Variants in TMEM123 observed in about 807,000 individuals in gnomAD.
The protein encoded by TMEM123 is porimin.
In TMEM123, 16 loss-of-function variants were observed where a neutral mutation model predicts 19.7. The ratio of observed to expected loss-of-function variants is 0.81; its 90% confidence interval spans 0.55 to 1.23. The LOEUF (loss-of-function observed/expected upper bound fraction) is 1.23, where lower values mean the gene tolerates loss of function less well. TMEM123 is among the 50% of genes most tolerant of loss of function. The pLI is 0.00. For synonymous variants in TMEM123, 118 were observed against 99.4 expected (o/e 1.19, Z -1.12); for missense variants, 313 against 257.8 (o/e 1.21, Z -1.47).
chr11:102,443,035 C>G (rs776818014), intron 2 of TMEM123, among the ~76,000 whole-genome samples: 2 of 151,988 alleles, frequency 1.3e-5, no homozygotes, highest in Non-Finnish European at 2.9e-5. Context: ...CACTGCTCAA[C>G]GAAATAAAAG....
intron 2 of TMEM123, among the ~76,000 whole-genome samples, chr11:102,404,703 A>T (rs1951940463): frequency 6.7e-6 from 1 of 150,180 alleles, no homozygotes; most frequent in Admixed American, 6.6e-5. Context: ...AGGTTCAAGC[A>T]ATTCTCCTGC....
chr11:102,433,109 C>T (rs1857728925), intron 2 of TMEM123, among the ~76,000 whole-genome samples: 1 of 152,010 alleles, frequency 6.6e-6, no homozygotes. Context: ...CACAGGGTCC[C>T]CACTGGGGCA....
At chr11:102,412,650 T>C (rs547559935) in intron 2 of TMEM123, among the ~76,000 whole-genome samples, 11 of 152,224 alleles carry the variant, frequency 7.2e-5, no homozygotes, top group African/African-American at 2.6e-4. Context: ...GTGAAAAGTA[T>C]CACTAGAAAT....
At chr11:102,419,115 G>C (rs1213950968) in intron 2 of TMEM123, among the ~76,000 whole-genome samples, 2 of 149,700 alleles carry the variant, frequency 1.3e-5, no homozygotes, top group African/African-American at 5.1e-5. Context: ...CGTCACACAT[G>C]ATTTACCCAT....
At chr11:102,445,648 G>A (rs1043343255) in intron 2 of TMEM123, among the ~76,000 whole-genome samples, 6 of 152,276 alleles carry the variant, frequency 3.9e-5, no homozygotes, top group African/African-American at 1.2e-4. Context: ...TTGGAATACA[G>A]AATAAGCTGT....
intron 2 of TMEM123, among the ~76,000 whole-genome samples, chr11:102,425,455 T>G (rs532558637): frequency 1.3e-5 from 2 of 152,294 alleles, no homozygotes; most frequent in South Asian, 4.1e-4. Flanking sequence ...CTGTTCATGT[T>G]GTGTCCTCCA....
At chr11:102,409,038 A>T (rs978519997) in intron 2 of TMEM123, among the ~76,000 whole-genome samples, 2 of 152,160 alleles carry the variant, frequency 1.3e-5, no homozygotes, top group African/African-American at 2.4e-5. Context: ...ATATTTAATA[A>T]TATTATTCTC....
intron 2 of TMEM123, among the ~76,000 whole-genome samples, chr11:102,435,022 A>T (rs188040645): frequency 2.6e-5 from 4 of 151,876 alleles, no homozygotes; most frequent in African/African-American, 4.8e-5. Flanking sequence ...ATAATTATTT[A>T]AAAATATATA....
chr11:102,452,718 TC>T lies in TMEM123; in HGVS notation c.-96del, dbSNP rs1857958525. 3 of 983,952 alleles carry T rather than the reference TC, an allele frequency of 3.0e-6. No homozygotes were observed. The South Asian group carries it at 7.7e-5, about 25-fold the overall frequency. 61.0% of individuals were successfully genotyped at this position (983,952 alleles called of 1,614,324 possible). A position where few individuals can be genotyped will look rare whatever the true frequency, so the allele number is the denominator to read the frequency against. ...CTGCGCAGCCGGCGCCGGCTCCGCT[TC>T]CCCTTCGGCCGCGCACGTTTCCCCT... On this transcript the variant is annotated 5_prime_UTR_variant, in exon 1 of 5. Coordinates refer to ENST00000398136, the MANE Select transcript of TMEM123 (RefSeq NM_052932.3).
intron 2 of TMEM123, among the ~76,000 whole-genome samples, chr11:102,446,717 A>C (rs35550986): frequency 0.22 from 33,280 of 152,112 alleles, 3,724 homozygotes; most frequent in South Asian, 0.26. Flanking sequence ...AAACAAGAGA[A>C]AAAAAGATTC....
chr11:102,426,859 T>TTCCCCC (rs1491364770), intron 2 of TMEM123, among the ~76,000 whole-genome samples: 3 of 4,136 alleles, frequency 7.3e-4, no homozygotes, highest in African/African-American at 1.9e-3. Context: ...TTAAAGTAGT[T>TTCCCCC]CCCCCCCCCC....
intron 2 of TMEM123, among the ~76,000 whole-genome samples, chr11:102,443,651 C>A (rs906741190): frequency 6.6e-6 from 1 of 152,132 alleles, no homozygotes; most frequent in African/African-American, 2.4e-5. Flanking sequence ...GACTTCATGA[C>A]TAAAACACCA....
intron 4 of TMEM123, among the ~76,000 whole-genome samples, chr11:102,399,207 G>C (rs1951888404): frequency 6.6e-6 from 1 of 152,168 alleles, no homozygotes; most frequent in Non-Finnish European, 1.5e-5. Context: ...AACTCTAGGA[G>C]GTCAGAAAGG....
chr11:102,445,863 C>T (rs1035347475), intron 2 of TMEM123, among the ~76,000 whole-genome samples: 3 of 152,212 alleles, frequency 2.0e-5, no homozygotes, highest in African/African-American at 7.2e-5. Flanking sequence ...ACAAAACTAA[C>T]CTCACTAGAG....
intron 2 of TMEM123, among the ~76,000 whole-genome samples, chr11:102,437,452 T>C (rs554078677): frequency 6.9e-6 from 1 of 145,120 alleles, no homozygotes; most frequent in Non-Finnish European, 1.5e-5. Flanking sequence ...AATGAGACTC[T>C]ATCTCAAAAA....
At chr11:102,402,239 G>A (rs1467961556) in intron 2 of TMEM123, 33 bp from the exon 3 acceptor site, 2 of 1,598,658 alleles carry the variant, frequency 1.3e-6, no homozygotes, top group South Asian at 1.1e-5. Flanking sequence ...TAAAACCAGA[G>A]CTATGATTTA....
At chr11:102,434,829 A>C (rs1857746208) in intron 2 of TMEM123, among the ~76,000 whole-genome samples, 1 of 151,882 alleles carries the variant, frequency 6.6e-6, no homozygotes, top group Non-Finnish European at 1.5e-5. Context: ...TTCCAAACAT[A>C]ATTCATTAAA....
intron 2 of TMEM123, among the ~76,000 whole-genome samples, chr11:102,442,504 G>T (rs1353683545): frequency 6.6e-6 from 1 of 152,096 alleles, no homozygotes; most frequent in African/African-American, 2.4e-5. Flanking sequence ...CAACCTTCAT[G>T]CTAAAAACTC....
chr11:102,445,210 A>G (rs1857870815), intron 2 of TMEM123, among the ~76,000 whole-genome samples: 1 of 152,268 alleles, frequency 6.6e-6, no homozygotes, highest in Non-Finnish European at 1.5e-5. Context: ...TCTCAAAAAC[A>G]TGAGTTGAAC....
Sources: allele counts gnomAD v4.1 joint callset (sites outside exome capture counted in the v4.1 genomes callset), GRCh38; gene constraint gnomAD v4.1.1; transcripts MANE v1.5; gene names NCBI Gene and HGNC (gene_info 2026-07-23, HGNC 2026-07-21).